BMPR1A: variants seen among roughly 807,000 people sequenced by gnomAD.
BMPR1A encodes the protein bone morphogenetic protein receptor type 1A, also known as bone morphogenetic protein receptor type-1A.
Under a neutral mutation model 66.0 loss-of-function variants are expected in BMPR1A, and 7 were observed. The ratio of observed to expected loss-of-function variants is 0.11; its 90% CI spans 0.06 to 0.20. The LOEUF (loss-of-function observed/expected upper bound fraction) is 0.20. BMPR1A is among the 10% of genes least tolerant of loss of function. The pLI, the probability that BMPR1A is intolerant of heterozygous loss-of-function variation, is 1.00. For synonymous variants in BMPR1A, 200 were observed against 229.7 expected (o/e 0.87, Z 1.17); for missense variants, 408 against 669.1 (o/e 0.61, Z 4.31).
chr10:86,932,839 C>T (rs2133667808), downstream of BMPR1A: 1 of 152,298 alleles, frequency 6.6e-6, no homozygotes, highest in African/African-American at 2.4e-5. Flanking sequence ...GTAGGAGTGA[C>T]TTTGACATTA....
chr10:86,890,602 A>AAT (rs1554888179), intron 4 of BMPR1A, among the ~76,000 whole-genome samples: 4 of 150,336 alleles, frequency 2.7e-5, no homozygotes, highest in African/African-American at 9.8e-5. Flanking sequence ...TTAAAAAAAA[A>AAT]TTTTTTTTTT....
chr10:86,856,413 C>T (rs940326723), intron 2 of BMPR1A, among the ~76,000 whole-genome samples: 10 of 152,156 alleles, frequency 6.6e-5, no homozygotes, highest in African/African-American at 2.2e-4. Context: ...CCCTACCTGG[C>T]CCACGTTATC....
intron 7 of BMPR1A, among the ~76,000 whole-genome samples, chr10:86,901,306 C>T (rs1305355765): frequency 6.6e-6 from 1 of 152,222 alleles, no homozygotes; most frequent in African/African-American, 2.4e-5. Context: ...AGTGAGATAA[C>T]AATTGCTGTT....
chr10:86,828,130 T>C (rs1222593757), intron 1 of BMPR1A, among the ~76,000 whole-genome samples: 2 of 152,160 alleles, frequency 1.3e-5, no homozygotes, highest in African/African-American at 4.8e-5. Flanking sequence ...CTACCCTGGG[T>C]GACAGAGTGA....
chr10:86,887,112 C>A (rs1311590193), intron 3 of BMPR1A, among the ~76,000 whole-genome samples: 2 of 152,104 alleles, frequency 1.3e-5, no homozygotes, highest in African/African-American at 4.8e-5. Context: ...GGATTACAGG[C>A]GTGAGCCACC....
chr10:86,792,776 A>G (rs1841647108), intron 1 of BMPR1A, among the ~76,000 whole-genome samples: 5 of 152,222 alleles, frequency 3.3e-5, no homozygotes, highest in Admixed American at 3.3e-4. Flanking sequence ...ATTTCACTTT[A>G]AAATGGATCA....
intron 2 of BMPR1A, among the ~76,000 whole-genome samples, chr10:86,869,618 G>A (rs1361327074): frequency 2.6e-5 from 4 of 152,204 alleles, no homozygotes; most frequent in South Asian, 4.2e-4. Context: ...TTAGCTGGGC[G>A]TGATGGCGCA....
chr10:86,761,072 T>C (rs145546827), intron 1 of BMPR1A, among the ~76,000 whole-genome samples: 1 of 152,328 alleles, frequency 6.6e-6, no homozygotes, highest in Non-Finnish European at 1.5e-5. Context: ...CTCTTGGATG[T>C]GCCTGGAAAT....
rs1843323109 is a variant in BMPR1A at position 86,902,286 on chromosome 10, A to G, written c.530+2160A>G. Among the ~76,000 whole-genome samples, 5 of 151,706 alleles carry G rather than the reference A, an allele frequency of 3.3e-5. 1 individual carries two copies. Among genetic ancestry groups the G allele is most frequent in the Admixed American group, 3.3e-4 (5 of 15,220 alleles). ...CCTGTTTTTCCATTGAATTGCATAG[A>G]TTTTTTTCTCTTTGATTTATAGAAG... On this transcript the variant is annotated intron_variant, in intron 7 of 12. Coordinates refer to ENST00000372037, the MANE Select transcript of BMPR1A (RefSeq NM_004329.3).
intron 1 of BMPR1A, among the ~76,000 whole-genome samples, chr10:86,800,461 G>A (rs1325231100): frequency 1.3e-5 from 2 of 152,116 alleles, no homozygotes; most frequent in Admixed American, 6.5e-5. Flanking sequence ...ATGTGAAATC[G>A]GCTCACCGCA....
chr10:86,885,768 G>A (rs1250396944), intron 3 of BMPR1A, among the ~76,000 whole-genome samples: 7 of 152,168 alleles, frequency 4.6e-5, no homozygotes, highest in South Asian at 2.1e-4. Context: ...CTCACCAACC[G>A]TTTGCCATCT....
At chr10:86,789,194 G>C (rs567701464) in intron 1 of BMPR1A, among the ~76,000 whole-genome samples, 1 of 152,082 alleles carries the variant, frequency 6.6e-6, no homozygotes, top group Non-Finnish European at 1.5e-5. Context: ...AAAAATCTTA[G>C]AAGAAAACAT....
intron 1 of BMPR1A, among the ~76,000 whole-genome samples, chr10:86,786,298 T>A (rs1359483105): frequency 6.6e-6 from 1 of 152,166 alleles, no homozygotes; most frequent in Non-Finnish European, 1.5e-5. Flanking sequence ...CTAACCGTTG[T>A]TCATTTCCCA....
chr10:86,839,161 T>C lies in BMPR1A; in HGVS notation c.-153+182T>C, dbSNP rs1842391228. ...CTGACGAGTTCATAAGTAATTCTAA[T>C]ATATATTCCTCATAAATGTTGAACC... On this transcript the variant is annotated intron_variant, in intron 2 of 12. Coordinates refer to ENST00000372037, the MANE Select transcript of BMPR1A (RefSeq NM_004329.3). Among the ~76,000 whole-genome samples, 2 of 152,234 alleles carry C rather than the reference T, an allele frequency of 1.3e-5. 1 individual carries two copies. Among genetic ancestry groups the C allele is most frequent in the Admixed American group, 1.3e-4 (2 of 15,282 alleles).
chr10:86,897,079 C>T (rs1014672821), intron 5 of BMPR1A, among the ~76,000 whole-genome samples: 2 of 152,184 alleles, frequency 1.3e-5, no homozygotes, highest in Admixed American at 6.5e-5. Context: ...ATTCTGTTTC[C>T]TCCTATAGGA....
chr10:86,915,307 A>G (rs191604309), intron 8 of BMPR1A, among the ~76,000 whole-genome samples: 293 of 152,286 alleles, frequency 1.9e-3, no homozygotes, highest in Middle Eastern at 0.014. Flanking sequence ...TTGGGATTAC[A>G]GGCGTGAGCC....
intron 1 of BMPR1A, among the ~76,000 whole-genome samples, chr10:86,800,469 G>A (rs1270738186): frequency 6.6e-6 from 1 of 152,130 alleles, no homozygotes; most frequent in Admixed American, 6.5e-5. Context: ...TCGGCTCACC[G>A]CAACCTCCGC....
At chr10:86,788,100 G>A (rs937462729) in intron 1 of BMPR1A, among the ~76,000 whole-genome samples, 4 of 152,180 alleles carry the variant, frequency 2.6e-5, no homozygotes, top group African/African-American at 9.7e-5. Context: ...TTTCTATGCA[G>A]TGATGGCATA....
intron 1 of BMPR1A, among the ~76,000 whole-genome samples, chr10:86,822,877 G>A (rs989413891): frequency 3.9e-5 from 6 of 151,978 alleles, no homozygotes; most frequent in Non-Finnish European, 7.4e-5. Context: ...TGATATGCCC[G>A]CCTCAGCCTC....
Sources: allele counts gnomAD v4.1 joint callset (sites outside exome capture counted in the v4.1 genomes callset), GRCh38; gene constraint gnomAD v4.1.1; transcripts MANE v1.5; gene names NCBI Gene and HGNC (gene_info 2026-07-23, HGNC 2026-07-21).